STMN4: variants seen among roughly 807,000 people sequenced by gnomAD.
The protein encoded by STMN4 is stathmin-4.
A neutral mutation model predicts 29.1 loss-of-function variants in STMN4; 12 were observed. The observed-to-expected ratio is 0.41, with a 90% CI of 0.26 to 0.67. The LOEUF is 0.67. Among genes scored for constraint, STMN4 ranks in the 30% least tolerant of loss-of-function variants. The pLI is 0.30. For synonymous variants in STMN4, 114 were observed against 105.3 expected (o/e 1.08, Z -0.51); for missense variants, 181 against 262.8 (o/e 0.69, Z 2.15).
intron 6 of STMN4, chr8:27,239,330 T>G: frequency 6.5e-7 from 1 of 1,531,716 alleles, no homozygotes; most frequent in Non-Finnish European, 8.7e-7. Flanking sequence ...CAGGAGAAAC[T>G]GGGGCGGCCT....
chr8:27,241,713 TC>T lies in STMN4; in HGVS notation c.153del (p.Asp53ThrfsTer17). The T allele has an allele frequency of 6.2e-7, 1 of 1,614,168 alleles. No individual in the cohort carries two copies. Among genetic ancestry groups the T allele is most frequent in the Non-Finnish European group, 8.5e-7 (1 of 1,180,026 alleles). The part of the protein sequence containing the change: ...RQCRRKDESQ[R>X]KDSADWRERR... ...CTTTCTCTCCAGTCAGCACTGTCTT[TC>T]CGCTGGCTTTCATCCTTCCTCCTAC... On this transcript the variant is annotated frameshift_variant, in exon 4 of 7. Coordinates refer to ENST00000350889, the MANE Select transcript of STMN4 (RefSeq NM_030795.4). LOFTEE classifies it high-confidence loss of function.
At chr8:27,242,130 C>T (rs1801492584) in intron 3 of STMN4, 1 of 568,844 alleles carries the variant, frequency 1.8e-6, no homozygotes, top group Non-Finnish European at 3.1e-6. Context: ...CCCCCAGTCT[C>T]GATTTGCTGG....
intron 1 of STMN4, among the ~76,000 whole-genome samples, chr8:27,244,685 C>T (rs968413185): frequency 2.6e-5 from 4 of 151,922 alleles, no homozygotes; most frequent in Non-Finnish European, 5.9e-5. Context: ...GGGGTGAGAA[C>T]GCCACTCAGT....
intron 3 of STMN4, 48 bp downstream of exon 3, chr8:27,242,349 A>T: frequency 6.3e-7 from 1 of 1,589,292 alleles, no homozygotes; most frequent in African/African-American, 1.3e-5. Flanking sequence ...TGAGGACAGG[A>T]CACAGGGCCC....
Position 27,239,085 on chromosome 8 carries a change from G to C in STMN4, c.591+886C>G, listed in dbSNP as rs1414917594. ...GCAGGCTGGTGCATCAGAGCACAGG[G>C]GCTGCCTCGTGCTGGCCAGCTCCAG... On this transcript the variant is annotated intron_variant, in intron 6 of 6. Coordinates refer to ENST00000350889, the MANE Select transcript of STMN4 (RefSeq NM_030795.4). The C allele has an allele frequency of 1.5e-5, 15 of 972,036 alleles. No homozygotes were observed. The Admixed American group carries it at 3.8e-4, about 25-fold the overall frequency. 60.2% of individuals were successfully genotyped at this position (972,036 alleles called of 1,614,324 possible).
chr8:27,247,338 C>T (rs1374986559), intron 1 of STMN4, among the ~76,000 whole-genome samples: 2 of 151,618 alleles, frequency 1.3e-5, no homozygotes, highest in Non-Finnish European at 2.9e-5. Context: ...CCAACAGTCA[C>T]ATCATTTCTT....
chr8:27,243,682 G>A lies in STMN4; in HGVS notation c.13+29C>T, dbSNP rs185497617. The A allele has an allele frequency of 2.9e-4, 472 of 1,605,982 alleles. 4 individuals carry two copies. In the East Asian group the frequency reaches 9.9e-3, roughly 34 times the overall value. On this transcript the variant is annotated intron_variant, in intron 2 of 6. Coordinates refer to ENST00000350889, the MANE Select transcript of STMN4 (RefSeq NM_030795.4). ...GGTGAGGGCAGGGGGAATAGCCTAC[G>A]CCCCTTAACACATGGTTTTTGTACC...
intron 6 of STMN4, 60 bp downstream of exon 6, chr8:27,239,911 T>G (rs1455855992): frequency 6.2e-7 from 1 of 1,613,406 alleles, no homozygotes; most frequent in South Asian, 1.1e-5. Context: ...CCCCGCATAC[T>G]TGCTGCAGAA....
At chr8:27,246,144 T>C (rs150192809) in intron 1 of STMN4, among the ~76,000 whole-genome samples, 139 of 152,290 alleles carry the variant, frequency 9.1e-4, no homozygotes, top group Non-Finnish European at 1.7e-3. Context: ...CAGCCTGGCC[T>C]GGGGATATGA....
At chr8:27,249,691 A>G (rs182389719) in intron 1 of STMN4, among the ~76,000 whole-genome samples, 1 of 152,318 alleles carries the variant, frequency 6.6e-6, no homozygotes, top group Admixed American at 6.5e-5. Flanking sequence ...GGGAGACCCC[A>G]GCAGGGCACT....
intron 5 of STMN4, 50 bp downstream of exon 5, chr8:27,241,004 C>G: frequency 6.4e-7 from 1 of 1,561,078 alleles, no homozygotes. Flanking sequence ...TTCTCCACCT[C>G]CCTCCCCTTT....
intron 1 of STMN4, among the ~76,000 whole-genome samples, chr8:27,257,459 A>AACAC (rs59516183): frequency 0.15 from 20,265 of 137,442 alleles, 1,713 homozygotes; most frequent in Middle Eastern, 0.23. Context: ...CCCCCATACA[A>AACAC]ACACACACAC....
intron 1 of STMN4, among the ~76,000 whole-genome samples, chr8:27,247,829 G>A (rs1157488953): frequency 3.3e-5 from 5 of 152,324 alleles, no homozygotes; most frequent in Admixed American, 6.5e-5. Flanking sequence ...TATCCAAGAC[G>A]TCAGCCAGCA....
At chr8:27,238,355 C>G (rs1801369256) in intron 6 of STMN4, among the ~76,000 whole-genome samples, 1 of 152,212 alleles carries the variant, frequency 6.6e-6, no homozygotes, top group Non-Finnish European at 1.5e-5. Flanking sequence ...CACCCAACCT[C>G]CCGCCTCCAC....
rs759551506 is a variant in STMN4 at position 27,241,081 on chromosome 8, T to C, written c.372A>G (p.Lys124=). The C allele has an allele frequency of 6.2e-7, 1 of 1,613,936 alleles. No individual in the cohort carries two copies. Among genetic ancestry groups the C allele is most frequent in the Non-Finnish European group, 8.5e-7 (1 of 1,179,920 alleles). The change falls in exon 5 of 7, where the codon AAA becomes AAG. Residue 124 remains lysine (K), a synonymous_variant. Coordinates refer to ENST00000350889, the MANE Select transcript of STMN4 (RefSeq NM_030795.4). ...TCCTTCGCTCCTCAGCCGCTTCTAGTTTCTTCTGGATCTCTTCCAGGGATG... is the reference window on the plus strand; with the variant it reads ...TCCTTCGCTCCTCAGCCGCTTCTAGCTTCTTCTGGATCTCTTCCAGGGATG... ...RDPSLEEIQK[K]LEAAEERRKY...
At chr8:27,255,225 T>G (rs1563424107) in intron 1 of STMN4, among the ~76,000 whole-genome samples, 1 of 152,190 alleles carries the variant, frequency 6.6e-6, no homozygotes, top group South Asian at 2.1e-4. Flanking sequence ...TGTTTATTTC[T>G]CAAGCTTAAA....
At chr8:27,248,535 C>A (rs762005670) in intron 1 of STMN4, among the ~76,000 whole-genome samples, 9 of 152,168 alleles carry the variant, frequency 5.9e-5, no homozygotes, top group Non-Finnish European at 1.0e-4. Flanking sequence ...TTATCTCCCA[C>A]CCAGTAGGAA....
intron 1 of STMN4, among the ~76,000 whole-genome samples, chr8:27,244,589 C>T (rs909298018): frequency 1.3e-5 from 2 of 152,096 alleles, no homozygotes; most frequent in African/African-American, 4.8e-5. Flanking sequence ...GTCGGTAGCA[C>T]CTGAGCAGTG....
At position 27,241,786 on chromosome 8, in the gene STMN4, C is replaced by G. The variant is rs964135185; in HGVS notation, c.110-29G>C. On this transcript the variant is annotated intron_variant, in intron 3 of 6. Transcript: ENST00000350889. Reference sequence around the variant, plus strand: ...GACAGAAAAAACAACCTCAGGTCATCCGAGCATGCCTGTTCCTTGGTGCCA... The same window carrying G: ...GACAGAAAAAACAACCTCAGGTCATGCGAGCATGCCTGTTCCTTGGTGCCA... The G allele has an allele frequency of 4.3e-6, 7 of 1,613,488 alleles. No homozygotes were observed. In the Admixed American group the frequency reaches 8.3e-5, roughly 19 times the overall value.
Sources: allele counts gnomAD v4.1 joint callset (sites outside exome capture counted in the v4.1 genomes callset), GRCh38; gene constraint gnomAD v4.1.1; transcripts MANE v1.5; gene names NCBI Gene and HGNC (gene_info 2026-07-23, HGNC 2026-07-21).